The following DIPK1A variants were observed in gnomAD, a reference collection of about 807,000 sequenced individuals.
DIPK1A encodes divergent protein kinase domain 1A.
Under a neutral mutation model 40.8 loss-of-function variants are expected in DIPK1A, and 27 were observed. The ratio of observed to expected loss-of-function variants is 0.66; its 90% CI spans 0.49 to 0.91. The LOEUF (loss-of-function observed/expected upper bound fraction) is 0.91. DIPK1A is among the 40% of genes least tolerant of loss of function. DIPK1A has a pLI of 0.00. For synonymous variants in DIPK1A, 166 were observed against 171.3 expected (o/e 0.97, Z 0.24); for missense variants, 412 against 505.7 (o/e 0.81, Z 1.78).
intron 1 of DIPK1A, among the ~76,000 whole-genome samples, chr1:92,953,361 A>C (rs1362274497): frequency 6.6e-6 from 1 of 152,226 alleles, no homozygotes; most frequent in Non-Finnish European, 1.5e-5. Context: ...GGTTGCTAAA[A>C]AAATTAAAAA....
intron 1 of DIPK1A, among the ~76,000 whole-genome samples, chr1:92,941,187 C>A (rs1253932847): frequency 1.3e-5 from 2 of 152,132 alleles, no homozygotes; most frequent in East Asian, 3.9e-4. Flanking sequence ...CGTGCAGTAA[C>A]TATTATTTCT....
chr1:92,873,012 G>C (rs1021613997), intron 2 of DIPK1A, among the ~76,000 whole-genome samples: 1 of 152,168 alleles, frequency 6.6e-6, no homozygotes, highest in Non-Finnish European at 1.5e-5. Context: ...GTCCCCAGTA[G>C]GGGCTTTCCG....
intron 1 of DIPK1A, among the ~76,000 whole-genome samples, chr1:92,960,228 G>A (rs1277176584): frequency 1.3e-5 from 2 of 152,024 alleles, no homozygotes; most frequent in African/African-American, 4.8e-5. Flanking sequence ...GTCAAATCAT[G>A]CTTCCAATTT....
chr1:92,842,443 C>CAAAT lies in DIPK1A; in HGVS notation c.*936_*939dup, dbSNP rs1349418244. On this transcript the variant is annotated 3_prime_UTR_variant, in exon 5 of 5. Coordinates refer to ENST00000370310, the MANE Select transcript of DIPK1A (RefSeq NM_001006605.5). ...GTGTGAAAATAATATGAAAGAGGAG[C>CAAAT]AAATACTAAACCTTGTATATCAAGT... 2.0e-6 allele frequency: 2 copies of CAAAT among 978,958 alleles called. No homozygotes were observed. The highest frequency in any genetic ancestry group is 1.1e-4 in the East Asian group (1 of 8,776). 60.6% of individuals were successfully genotyped at this position (978,958 alleles called of 1,614,324 possible). A position where few individuals can be genotyped will look rare whatever the true frequency, so the allele number is the denominator to read the frequency against.
intron 1 of DIPK1A, among the ~76,000 whole-genome samples, chr1:92,914,764 G>A (rs1470437849): frequency 1.5e-5 from 2 of 132,334 alleles, no homozygotes; most frequent in Admixed American, 1.5e-4. Context: ...GTGAGACTCC[G>A]TCTCAAAAAG....
chr1:92,878,427 G>A (rs184423010), intron 1 of DIPK1A, among the ~76,000 whole-genome samples: 1 of 152,256 alleles, frequency 6.6e-6, no homozygotes, highest in East Asian at 1.9e-4. Context: ...GCTCACGCCT[G>A]TAATCCCAGA....
intron 2 of DIPK1A, among the ~76,000 whole-genome samples, chr1:92,874,671 T>C (rs1308158522): frequency 6.6e-6 from 1 of 152,234 alleles, no homozygotes; most frequent in Non-Finnish European, 1.5e-5. Context: ...TTCCTCCTTC[T>C]TCACTGAAGG....
chr1:92,898,158 G>A (rs1394516727), intron 1 of DIPK1A, among the ~76,000 whole-genome samples: 1 of 151,340 alleles, frequency 6.6e-6, no homozygotes, highest in African/African-American at 2.4e-5. Flanking sequence ...TCATGGTTCT[G>A]CAGGCTGTAC....
At position 92,938,005 on chromosome 1, in the gene DIPK1A, T is replaced by G. The variant is rs201401107; in HGVS notation, c.54+23371A>C. Among the ~76,000 whole-genome samples, 25 of 152,340 alleles carry G rather than the reference T, an allele frequency of 1.6e-4. No homozygotes were observed. The East Asian group carries it at 4.8e-3, about 29-fold the overall frequency. On this transcript the variant is annotated intron_variant, in intron 1 of 4. Coordinates refer to ENST00000370310, the MANE Select transcript of DIPK1A (RefSeq NM_001006605.5). Reference sequence around the variant, plus strand: ...CTAATAATAGTCTGGCAGAACAAATTTGTTCTTTTCTGATTTAAAAAATTA... The same window carrying G: ...CTAATAATAGTCTGGCAGAACAAATGTGTTCTTTTCTGATTTAAAAAATTA...
chr1:92,865,256 G>A (rs1647482009), intron 2 of DIPK1A, among the ~76,000 whole-genome samples: 1 of 151,636 alleles, frequency 6.6e-6, no homozygotes, highest in Non-Finnish European at 1.5e-5. Flanking sequence ...TCAGCTACTT[G>A]AGAGGCTGAG....
intron 1 of DIPK1A, among the ~76,000 whole-genome samples, chr1:92,918,305 A>G (rs761111456): frequency 1.5e-4 from 23 of 152,106 alleles, no homozygotes; most frequent in South Asian, 1.0e-3. Flanking sequence ...ACCCACCATC[A>G]TGTCTGGCTA....
intron 1 of DIPK1A, among the ~76,000 whole-genome samples, chr1:92,926,038 T>G (rs1409375049): frequency 1.3e-5 from 2 of 152,164 alleles, no homozygotes; most frequent in African/African-American, 4.8e-5. Context: ...TTTGGTTTTG[T>G]TTATTGTCTC....
intron 1 of DIPK1A, among the ~76,000 whole-genome samples, chr1:92,924,108 TTAAG>T (rs1298861431): frequency 6.6e-6 from 1 of 150,576 alleles, no homozygotes; most frequent in Non-Finnish European, 1.5e-5. Flanking sequence ...AAATTTATTC[TTAAG>T]TATTTTTGAT....
At chr1:92,836,932 T>C (rs1687154647) in intron 4 of DIPK1A, 1 of 232,332 alleles carries the variant, frequency 4.3e-6, no homozygotes. Context: ...ATTTATTAAC[T>C]TCTTAGGAAT....
chr1:92,855,897 T>C (rs1687971116), intron 2 of DIPK1A, among the ~76,000 whole-genome samples: 1 of 151,920 alleles, frequency 6.6e-6, no homozygotes, highest in Non-Finnish European at 1.5e-5. Flanking sequence ...CTGGACAACA[T>C]GGCAAAACTT....
chr1:92,914,912 C>G (rs904186476), intron 1 of DIPK1A, among the ~76,000 whole-genome samples: 1 of 151,652 alleles, frequency 6.6e-6, no homozygotes, highest in African/African-American at 2.4e-5. Flanking sequence ...CTGGTGAAAC[C>G]CCATCTCTAC....
At chr1:92,910,407 T>C (rs985281125) in intron 1 of DIPK1A, among the ~76,000 whole-genome samples, 5 of 152,112 alleles carry the variant, frequency 3.3e-5, no homozygotes, top group Non-Finnish European at 7.4e-5. Context: ...AACATGCATC[T>C]TACAAGCTCT....
At chr1:92,878,417 G>GCTCA (rs1456949897) in intron 1 of DIPK1A, among the ~76,000 whole-genome samples, 1 of 152,130 alleles carries the variant, frequency 6.6e-6, no homozygotes, top group Non-Finnish European at 1.5e-5. Flanking sequence ...CCAGCCAGGA[G>GCTCA]CTCACGCCTG....
At chr1:92,957,534 C>A (rs1651902281) in intron 1 of DIPK1A, among the ~76,000 whole-genome samples, 1 of 152,196 alleles carries the variant, frequency 6.6e-6, no homozygotes, top group African/African-American at 2.4e-5. Context: ...TCTGTTGGCC[C>A]TTCCAGGCAG....
Sources: allele counts gnomAD v4.1 joint callset (sites outside exome capture counted in the v4.1 genomes callset), GRCh38; gene constraint gnomAD v4.1.1; transcripts MANE v1.5; gene names NCBI Gene and HGNC (gene_info 2026-07-23, HGNC 2026-07-21).